Variants in CATSPERB observed in about 807,000 individuals in gnomAD.
CATSPERB encodes the protein cation channel sperm-associated auxiliary subunit beta.
A neutral mutation model predicts 128.3 loss-of-function variants in CATSPERB; 93 were observed. The ratio of observed to expected loss-of-function variants is 0.72; its 90% confidence interval spans 0.61 to 0.86. The LOEUF is 0.86. Ranked by LOEUF, CATSPERB falls within the 40% of genes least tolerant of loss-of-function variation. CATSPERB has a pLI of 0.00. For synonymous variants in CATSPERB, 381 were observed against 448.8 expected (o/e 0.85, Z 1.91); for missense variants, 1,153 against 1,329.5 (o/e 0.87, Z 2.06).
chr14:91,583,588 T>C (rs1893246241), intron 26 of CATSPERB, among the ~76,000 whole-genome samples: 1 of 152,212 alleles, frequency 6.6e-6, no homozygotes, highest in Non-Finnish European at 1.5e-5. Context: ...ACCATCCAAA[T>C]ATTCCACACC....
At chr14:91,691,586 C>T in intron 9 of CATSPERB, 31 bp from the exon 10 acceptor site, 1 of 1,579,544 alleles carries the variant, frequency 6.3e-7, no homozygotes, top group Non-Finnish European at 8.6e-7. Context: ...TTAATTTTTG[C>T]TTGCATATCA....
chr14:91,700,390 C>T (rs762342829), intron 7 of CATSPERB, among the ~76,000 whole-genome samples: 16 of 151,908 alleles, frequency 1.1e-4, no homozygotes, highest in East Asian at 1.9e-4. Context: ...GTGTCTTTGC[C>T]GATTTTGGTA....
chr14:91,681,455 G>C (rs1774124876), intron 11 of CATSPERB, among the ~76,000 whole-genome samples: 1 of 152,178 alleles, frequency 6.6e-6, no homozygotes, highest in African/African-American at 2.4e-5. Flanking sequence ...AATTTGACTT[G>C]GGATGAATTT....
chr14:91,723,213 A>AC (rs781321285), intron 3 of CATSPERB, 24 bp from the exon 4 acceptor site: 39 of 1,483,640 alleles, frequency 2.6e-5, no homozygotes, highest in Middle Eastern at 1.9e-4. Context: ...AGAAAAAAAA[A>AC]AACAACTAAT....
chr14:91,636,192 ATCTC>A, intron 17 of CATSPERB: 1 of 435,660 alleles, frequency 2.3e-6, no homozygotes, highest in Non-Finnish European at 4.1e-6. Context: ...GTGAAACCCC[ATCTC>A]TACAAAAAAT....
intron 22 of CATSPERB, among the ~76,000 whole-genome samples, chr14:91,594,203 C>T (rs1324647112): frequency 6.6e-6 from 1 of 152,058 alleles, no homozygotes; most frequent in Non-Finnish European, 1.5e-5. Flanking sequence ...TGGAAACCAT[C>T]ATTCTCAGCA....
At chr14:91,705,323 A>G (rs1895717040) in intron 6 of CATSPERB, among the ~76,000 whole-genome samples, 1 of 152,230 alleles carries the variant, frequency 6.6e-6, no homozygotes, top group Non-Finnish European at 1.5e-5. Flanking sequence ...ATCTCATTGA[A>G]ACAACAGTAG....
chr14:91,665,810 C>T (rs887324787), intron 14 of CATSPERB, among the ~76,000 whole-genome samples: 10 of 152,068 alleles, frequency 6.6e-5, no homozygotes, highest in Admixed American at 2.0e-4. Flanking sequence ...GTGGTGGTCG[C>T]AGTGAGCCTG....
chr14:91,727,937 G>T (rs2139784841), intron 2 of CATSPERB, among the ~76,000 whole-genome samples: 1 of 152,188 alleles, frequency 6.6e-6, no homozygotes, highest in South Asian at 2.1e-4. Context: ...GAACCAAGTT[G>T]TTTCTCTAAG....
chr14:91,674,912 A>G (rs1895164240), intron 11 of CATSPERB, among the ~76,000 whole-genome samples: 1 of 152,136 alleles, frequency 6.6e-6, no homozygotes, highest in Non-Finnish European at 1.5e-5. Context: ...CTCCCACCCC[A>G]AGTTCCCCCT....
At chr14:91,676,107 A>G (rs1595175080) in intron 11 of CATSPERB, among the ~76,000 whole-genome samples, 1 of 152,320 alleles carries the variant, frequency 6.6e-6, no homozygotes, top group East Asian at 1.9e-4. Flanking sequence ...GATGTGTTAA[A>G]AAAAAGGCTA....
At chr14:91,632,846 C>A (rs527839265) in intron 17 of CATSPERB, among the ~76,000 whole-genome samples, 1 of 151,934 alleles carries the variant, frequency 6.6e-6, no homozygotes, top group South Asian at 2.1e-4. Context: ...TACACACCAG[C>A]AAATGCAGAA....
chr14:91,703,941 A>G (rs1355112280), intron 7 of CATSPERB, among the ~76,000 whole-genome samples: 1 of 152,200 alleles, frequency 6.6e-6, no homozygotes, highest in African/African-American at 2.4e-5. Flanking sequence ...ATTGGGGGAC[A>G]GTCTTGTGGG....
Position 91,716,545 on chromosome 14 carries a change from T to A in CATSPERB, c.370+2873A>T, listed in dbSNP as rs1895942482. Among the ~76,000 whole-genome samples, 3 of 152,184 alleles carry A rather than the reference T, an allele frequency of 2.0e-5. No homozygotes were observed. In the South Asian group the frequency reaches 6.2e-4, roughly 32 times the overall value. On this transcript the variant is annotated intron_variant, in intron 5 of 26. Transcript: ENST00000256343. ...GTGAGCTGAGATTGCACCACTGCAC[T>A]CCAGCCTGGGCAACAGAGCAGATTT...
intron 24 of CATSPERB, 113 bp downstream of exon 24, chr14:91,589,421 A>G (rs1031050240): frequency 2.0e-6 from 2 of 1,018,804 alleles, no homozygotes; most frequent in African/African-American, 3.2e-5. Context: ...ATCCATTTGC[A>G]AGAACTCCTG....
At chr14:91,596,539 C>T (rs1164191867) in intron 22 of CATSPERB, among the ~76,000 whole-genome samples, 1 of 151,922 alleles carries the variant, frequency 6.6e-6, no homozygotes, top group Non-Finnish European at 1.5e-5. Flanking sequence ...TAAAACAAGG[C>T]AAAACAAGAC....
At chr14:91,731,140 T>C (rs1896203126) in intron 1 of CATSPERB, among the ~76,000 whole-genome samples, 2 of 152,204 alleles carry the variant, frequency 1.3e-5, no homozygotes, top group Non-Finnish European at 2.9e-5. Flanking sequence ...AGAATCTTTA[T>C]GCCTCTTCAT....
In CATSPERB at chr14:91,621,787, A is replaced by T; in HGVS notation, c.2081T>A (p.Leu694Gln). Residue 694 changes from leucine (L) to glutamine (Q), a missense_variant, in exon 19 of 27, where the codon CTA becomes CAA. Leu to Gln is a moderately radical substitution (Grantham distance 113). Coordinates refer to ENST00000256343, the MANE Select transcript of CATSPERB (RefSeq NM_024764.4). Reference sequence around the variant, plus strand: ...GTTGTATAAGAACCATGTGCTCTTTAGAAAGGTCATATTGTTGGGTGCACT... The same window carrying T: ...GTTGTATAAGAACCATGTGCTCTTTTGAAAGGTCATATTGTTGGGTGCACT... ...PESAPNNMTF[L>Q]KSTWFLYNFG... 6.2e-7 allele frequency: 1 copy of T among 1,614,182 alleles called. No individual in the cohort carries two copies. Among genetic ancestry groups the T allele is most frequent in the South Asian group, 1.1e-5 (1 of 91,084 alleles).
At chr14:91,721,624 C>T (rs1034276196) in intron 4 of CATSPERB, among the ~76,000 whole-genome samples, 4 of 151,916 alleles carry the variant, frequency 2.6e-5, no homozygotes, top group East Asian at 1.9e-4. Context: ...CCGAGGCTGG[C>T]GGATCACAAG....
Sources: allele counts gnomAD v4.1 joint callset (sites outside exome capture counted in the v4.1 genomes callset), GRCh38; gene constraint gnomAD v4.1.1; transcripts MANE v1.5; gene names NCBI Gene and HGNC (gene_info 2026-07-23, HGNC 2026-07-21).